The following SEMA4D variants were observed in gnomAD, a reference collection of about 807,000 sequenced individuals.
SEMA4D encodes semaphorin 4D.
Under a neutral mutation model 74.8 loss-of-function variants are expected in SEMA4D, and 22 were observed. The observed-to-expected ratio is 0.29, with a 90% CI of 0.21 to 0.42. The LOEUF (loss-of-function observed/expected upper bound fraction) is 0.42. SEMA4D is among the 10% of genes least tolerant of loss of function. SEMA4D has a pLI of 1.00. For missense variants in SEMA4D, 937 were observed against 1,118.4 expected (o/e 0.84, Z 2.31); for synonymous variants, 445 against 463.7 (o/e 0.96, Z 0.52).
chr9:89,379,671 A>G (rs1475186528), intron 15 of SEMA4D, 42 bp from the exon 16 acceptor site: 1 of 1,558,042 alleles, frequency 6.4e-7, no homozygotes, highest in Admixed American at 2.0e-5. Context: ...AACAATCCCC[A>G]TTTGCTATTT....
At chr9:89,493,406 G>A (rs965681992) in intron 1 of SEMA4D, among the ~76,000 whole-genome samples, 5 of 152,262 alleles carry the variant, frequency 3.3e-5, no homozygotes, top group East Asian at 3.9e-4. Context: ...TCAGAGCCCC[G>A]CCACAGCCCT....
chr9:89,387,114 A>G, intron 12 of SEMA4D: 1 of 390,550 alleles, frequency 2.6e-6, no homozygotes, highest in Non-Finnish European at 4.6e-6. Context: ...CTCGGCGGCC[A>G]GTACTCCTCT....
At chr9:89,403,134 T>C in intron 3 of SEMA4D, 118 bp from the exon 4 acceptor site, 1 of 1,229,324 alleles carries the variant, frequency 8.1e-7, no homozygotes, top group Non-Finnish European at 1.1e-6. Flanking sequence ...CTGGGTGCAG[T>C]CATGTCTCGA....
chr9:89,406,191 C>G (rs1008930062), intron 2 of SEMA4D, among the ~76,000 whole-genome samples: 4 of 152,164 alleles, frequency 2.6e-5, no homozygotes, highest in African/African-American at 7.2e-5. Flanking sequence ...TGCACACACA[C>G]AACATATGCG....
intron 13 of SEMA4D, among the ~76,000 whole-genome samples, chr9:89,383,325 G>C (rs141027079): frequency 6.6e-6 from 1 of 152,152 alleles, no homozygotes; most frequent in Non-Finnish European, 1.5e-5. Context: ...GGAAAAAGAC[G>C]GTGGTGACTT....
intron 13 of SEMA4D, among the ~76,000 whole-genome samples, chr9:89,383,175 G>T (rs1012215047): frequency 6.6e-6 from 1 of 152,188 alleles, no homozygotes; most frequent in African/African-American, 2.4e-5. Flanking sequence ...TGGGAGAACA[G>T]GGCATTTCTG....
At chr9:89,391,631 G>C (rs956580850) in intron 8 of SEMA4D, among the ~76,000 whole-genome samples, 1 of 152,196 alleles carries the variant, frequency 6.6e-6, no homozygotes, top group Admixed American at 6.5e-5. Context: ...CACCTCCTCG[G>C]CCTCAGAGAG....
intron 1 of SEMA4D, among the ~76,000 whole-genome samples, chr9:89,460,555 G>C (rs776030380): frequency 1.7e-4 from 26 of 152,248 alleles, no homozygotes; most frequent in Non-Finnish European, 3.1e-4. Flanking sequence ...ACAGGTGAGA[G>C]CTTTGATTTC....
intron 4 of SEMA4D, among the ~76,000 whole-genome samples, chr9:89,401,354 GCCAAA>G: frequency 6.6e-6 from 1 of 152,196 alleles, no homozygotes; most frequent in Non-Finnish European, 1.5e-5. Context: ...ACAGCACCCA[GCCAAA>G]TACTTGTTTT....
intron 2 of SEMA4D, among the ~76,000 whole-genome samples, chr9:89,451,832 A>T (rs1372370253): frequency 1.3e-5 from 2 of 152,252 alleles, no homozygotes; most frequent in Non-Finnish European, 2.9e-5. Context: ...TCCAAAATAC[A>T]ATCCTTCTGC....
intron 1 of SEMA4D, 51 bp downstream of exon 1, chr9:89,497,868 C>G (rs1035829659): frequency 6.6e-6 from 1 of 151,236 alleles, no homozygotes; most frequent in Non-Finnish European, 1.5e-5. Flanking sequence ...GCCCCCAGCG[C>G]ACCTGCCCGG....
rs771791156 is a variant in SEMA4D at position 89,378,685 on chromosome 9, C to A, written c.*19G>T. 6.3e-6 allele frequency: 10 copies of A among 1,595,990 alleles called. No homozygotes were observed. The highest frequency in any genetic ancestry group is 2.2e-5 in the South Asian group (2 of 90,500). Reference sequence around the variant, plus strand: ...GGACACGTCGCAGCCGAGGCACCAGCGGGGATGCACAGCCGGCCTCAGTCT... The same window carrying A: ...GGACACGTCGCAGCCGAGGCACCAGAGGGGATGCACAGCCGGCCTCAGTCT... On this transcript the variant is annotated 3_prime_UTR_variant, in exon 16 of 16. Coordinates refer to ENST00000422704, the MANE Select transcript of SEMA4D (RefSeq NM_001371194.2).
rs374159682 is a variant in SEMA4D, at chr9:89,387,467, C to A, written c.1249G>T (p.Asp417Tyr). Residue 417 changes from aspartate to tyrosine, a missense_variant, in exon 12 of 16, where the codon GAT becomes TAT. Physicochemically the swap from Asp to Tyr is radical, Grantham distance 160. Coordinates refer to ENST00000422704, the MANE Select transcript of SEMA4D (RefSeq NM_001371194.2). ...ACCACGATCTGGGTGTAGTTCACAT[C>A]TTTCTTGATTAACCTGGGCCTGTTG... is the stretch of plus-strand genomic sequence containing the variant. Reference protein sequence around the residue: ...IDNRPRLIKKDVNYTQIVVDR... With the variant: ...IDNRPRLIKKYVNYTQIVVDR... 1.2e-6 allele frequency: 2 copies of A among 1,614,246 alleles called. No homozygotes were observed. The highest frequency in any genetic ancestry group is 1.1e-5 in the South Asian group (1 of 91,088).
intron 1 of SEMA4D, among the ~76,000 whole-genome samples, chr9:89,465,877 A>G (rs1858560535): frequency 6.6e-6 from 1 of 152,230 alleles, no homozygotes; most frequent in Non-Finnish European, 1.5e-5. Flanking sequence ...AGGTGGAATG[A>G]GGAGAAGATG....
intron 13 of SEMA4D, chr9:89,385,703 C>T (rs758415744): frequency 3.8e-5 from 18 of 472,236 alleles, no homozygotes; most frequent in African/African-American, 4.2e-5. Context: ...ACGCACCTGC[C>T]AAGGGTAGGT....
At chr9:89,376,766 G>A (rs967175233), downstream of SEMA4D, 12 of 1,456,434 alleles carry the variant, frequency 8.2e-6, no homozygotes, top group African/African-American at 4.2e-5. Context: ...GGATGCCCCC[G>A]CCCGCCCCCC....
At chr9:89,412,778 G>A (rs962309389) in intron 2 of SEMA4D, among the ~76,000 whole-genome samples, 1 of 152,160 alleles carries the variant, frequency 6.6e-6, no homozygotes, top group Admixed American at 6.5e-5. Context: ...GCCACATACT[G>A]CTCCTCCCAG....
chr9:89,420,849 T>C (rs920705326), intron 2 of SEMA4D, among the ~76,000 whole-genome samples: 5 of 152,250 alleles, frequency 3.3e-5, no homozygotes, highest in Non-Finnish European at 5.9e-5. Context: ...ACTGCCTGTC[T>C]CATTTGGTTA....
intron 1 of SEMA4D, among the ~76,000 whole-genome samples, chr9:89,471,606 G>A (rs117065889): frequency 1.7e-5 from 2 of 115,866 alleles, no homozygotes; most frequent in East Asian, 4.2e-4. Flanking sequence ...GCCAGCTCAG[G>A]TGCACGCCAG....
Sources: allele counts gnomAD v4.1 joint callset (sites outside exome capture counted in the v4.1 genomes callset), GRCh38; gene constraint gnomAD v4.1.1; transcripts MANE v1.5; gene names NCBI Gene and HGNC (gene_info 2026-07-23, HGNC 2026-07-21).